Variants in SGCD observed in about 807,000 individuals in gnomAD.
SGCD encodes delta-sarcoglycan.
Under a neutral mutation model 36.6 loss-of-function variants are expected in SGCD, and 18 were observed. That is an observed-to-expected ratio of 0.49 (90% CI 0.34 to 0.73). The LOEUF is 0.73. SGCD is among the 30% of genes least tolerant of loss of function. The pLI is 0.01. For missense variants in SGCD, 387 were observed against 346.7 expected (o/e 1.12, Z -0.92); for synonymous variants, 133 against 130.6 (o/e 1.02, Z -0.12).
At chr5:156,623,677 A>G (rs1762339008) in intron 6 of SGCD, among the ~76,000 whole-genome samples, 1 of 152,226 alleles carries the variant, frequency 6.6e-6, no homozygotes, top group Non-Finnish European at 1.5e-5. Context: ...GCTTGTGGAA[A>G]AGATTGCATT....
At chr5:156,698,163 A>G (rs544356812) in intron 7 of SGCD, among the ~76,000 whole-genome samples, 139 of 152,236 alleles carry the variant, frequency 9.1e-4, no homozygotes, top group African/African-American at 3.2e-3. Context: ...GGAACAGTAA[A>G]ATGGCAGTAT....
At chr5:156,551,401 G>C (rs969280713) in intron 4 of SGCD, among the ~76,000 whole-genome samples, 1 of 152,010 alleles carries the variant, frequency 6.6e-6, no homozygotes, top group Non-Finnish European at 1.5e-5. Flanking sequence ...CTTTCTCCCA[G>C]AATCTTCTCC....
At chr5:155,866,551 A>G (rs1445923634), upstream of SGCD, among the ~76,000 whole-genome samples, 4 of 152,162 alleles carry the variant, frequency 2.6e-5, no homozygotes, top group African/African-American at 7.2e-5. Context: ...CAAATGAAGA[A>G]ACTGAATCTT....
chr5:155,757,232 C>T, the SGCD span, among the ~76,000 whole-genome samples: 1 of 152,092 alleles, frequency 6.6e-6, no homozygotes, highest in East Asian at 1.9e-4. Context: ...TGGCAGGGAC[C>T]TCAAGGCTTA....
chr5:156,469,947 CA>C (rs1340311514), intron 3 of SGCD, among the ~76,000 whole-genome samples: 5 of 152,294 alleles, frequency 3.3e-5, no homozygotes, highest in African/African-American at 1.2e-4. Context: ...CTCAAGTCTC[CA>C]AAGTTCACAC....
intron 4 of SGCD, among the ~76,000 whole-genome samples, chr5:156,529,994 T>C (rs1431346678): frequency 6.6e-6 from 1 of 152,166 alleles, no homozygotes; most frequent in Non-Finnish European, 1.5e-5. Flanking sequence ...ACTTGTTGCA[T>C]ATTGGAGGGG....
At chr5:155,941,900 G>A (rs920449340) in intron 1 of SGCD, among the ~76,000 whole-genome samples, 1 of 152,140 alleles carries the variant, frequency 6.6e-6, no homozygotes, top group East Asian at 1.9e-4. Context: ...AAATGTATTT[G>A]TTGTACACTG....
Position 156,731,480 on chromosome 5 carries a change from T to G in SGCD, c.576-26101T>G, listed in dbSNP as rs776344742. 4.8e-4 allele frequency among the ~76,000 whole-genome samples: 73 copies of G among 152,326 alleles called. 1 individual carries two copies. The highest frequency in any genetic ancestry group is 1.9e-3 in the South Asian group (9 of 4,830). Reference sequence around the variant, plus strand: ...TGGCTAGCCAGTTATCTGAGCACCATTTATTGAATAGGGAGTCCTTTTTCC... The same window carrying G: ...TGGCTAGCCAGTTATCTGAGCACCAGTTATTGAATAGGGAGTCCTTTTTCC... On this transcript the variant is annotated intron_variant, in intron 7 of 8. Transcript: ENST00000337851.
intron 3 of SGCD, among the ~76,000 whole-genome samples, chr5:156,402,823 G>A (rs1772224641): frequency 1.3e-5 from 2 of 152,114 alleles, no homozygotes; most frequent in Admixed American, 6.5e-5. Flanking sequence ...GAGCACTAGG[G>A]CTCTTTGTGT....
intron 3 of SGCD, among the ~76,000 whole-genome samples, chr5:156,220,797 A>G (rs1764699595): frequency 6.6e-6 from 1 of 152,134 alleles, no homozygotes; most frequent in Non-Finnish European, 1.5e-5. Flanking sequence ...ATCTCAGCCC[A>G]CAAACTCATC....
chr5:155,932,035 C>A (rs959768017), intron 1 of SGCD, among the ~76,000 whole-genome samples: 1 of 152,156 alleles, frequency 6.6e-6, no homozygotes, highest in East Asian at 1.9e-4. Flanking sequence ...AATGAAGTCT[C>A]CACCCTCATG....
chr5:156,527,703 C>G (rs1238601076), intron 4 of SGCD, among the ~76,000 whole-genome samples: 1 of 152,096 alleles, frequency 6.6e-6, no homozygotes, highest in African/African-American at 2.4e-5. Flanking sequence ...TATTTTTAAG[C>G]CTAATTTTAC....
At chr5:156,084,292 G>A (rs1011016147) in intron 1 of SGCD, among the ~76,000 whole-genome samples, 15 of 152,046 alleles carry the variant, frequency 9.9e-5, no homozygotes, top group Non-Finnish European at 2.2e-4. Context: ...ATAATTTTTA[G>A]TATATAAGTA....
In SGCD at chr5:156,056,655, A is replaced by AAAAAAAAAAAAAC. The variant is rs1554115108; in HGVS notation, c.-281-61213_-281-61212insAACAAAAAAAAAA. On this transcript the variant is annotated intron_variant, in intron 1 of 9. Coordinates refer to the SGCD transcript ENST00000517913. ...CTGCCAAATTATCCTTAAAAAAAAA[A>AAAAAAAAAAAAAC]AAAAAAAAAACAGTCTCCAAATTTT... 5.3e-4 allele frequency among the ~76,000 whole-genome samples: 73 copies of AAAAAAAAAAAAAC among 136,572 alleles called. 2 individuals carry two copies. Among genetic ancestry groups the AAAAAAAAAAAAAC allele is most frequent in the Middle Eastern group, 7.9e-3 (2 of 254 alleles). 89.6% of individuals were successfully genotyped at this position (136,572 alleles called of 152,430 possible).
chr5:156,280,224 C>T (rs776262875), intron 3 of SGCD, among the ~76,000 whole-genome samples: 34 of 152,192 alleles, frequency 2.2e-4, no homozygotes, highest in Admixed American at 2.2e-3. Context: ...CTCTAGTTTG[C>T]TTCTTATAAT....
chr5:156,565,595 G>A (rs917947762), intron 4 of SGCD, among the ~76,000 whole-genome samples: 2 of 151,968 alleles, frequency 1.3e-5, no homozygotes, highest in Admixed American at 6.6e-5. Flanking sequence ...TGTACAGAAC[G>A]TGCAGGTTTG....
At chr5:156,758,249 G>A (rs1422615862) in intron 8 of SGCD, among the ~76,000 whole-genome samples, 1 of 152,140 alleles carries the variant, frequency 6.6e-6, no homozygotes, top group Non-Finnish European at 1.5e-5. Context: ...GAACAGAAAT[G>A]CTGCTTGTGT....
At chr5:155,869,479 A>G (rs570800939), upstream of SGCD, among the ~76,000 whole-genome samples, 6 of 152,278 alleles carry the variant, frequency 3.9e-5, no homozygotes, top group East Asian at 1.2e-3. Flanking sequence ...TGAGTTAGGA[A>G]CATTGTTATT....
In SGCD at chr5:156,464,130, G is replaced by A. The variant is rs145954242; in HGVS notation, c.193-44471G>A. ...CTATTATGATATCCATTTTACAGATGTGGAAACTGAAACTAGAAAAGATTA... is the reference window on the plus strand; with the variant it reads ...CTATTATGATATCCATTTTACAGATATGGAAACTGAAACTAGAAAAGATTA... On this transcript the variant is annotated intron_variant, in intron 3 of 8. Coordinates refer to ENST00000337851, the MANE Select transcript of SGCD (RefSeq NM_000337.6). 1.7e-4 allele frequency among the ~76,000 whole-genome samples: 26 copies of A among 151,822 alleles called. No individual in the cohort carries two copies. The East Asian group carries it at 3.9e-3, about 23-fold the overall frequency.
Sources: gnomAD v4.1 joint callset for allele counts (sites outside exome capture counted in the v4.1 genomes callset) on GRCh38, gnomAD v4.1.1 for gene constraint, MANE v1.5 for transcripts, NCBI Gene and HGNC (gene_info 2026-07-23, HGNC 2026-07-21) for gene names.